The following PBX4 variants were observed in gnomAD, a reference collection of about 807,000 sequenced individuals.
PBX4 encodes PBX homeobox 4, also known as pre-B-cell leukemia transcription factor 4.
In PBX4, 26 loss-of-function variants were observed where a neutral mutation model predicts 35.1. The ratio of observed to expected loss-of-function variants is 0.74; its 90% CI spans 0.54 to 1.03. The LOEUF (loss-of-function observed/expected upper bound fraction) is 1.03, where lower values mean the gene tolerates loss of function less well. Ranked by LOEUF, PBX4 falls within the 50% of genes least tolerant of loss-of-function variation. PBX4 has a pLI of 0.00. For synonymous variants in PBX4, 199 were observed against 204.2 expected, an observed-to-expected ratio of 0.97 and a Z score of 0.22; for missense variants, 448 against 504.3, an observed-to-expected ratio of 0.89 and a Z score of 1.07.
rs755844548 is a variant in PBX4 at position 19,562,164 on chromosome 19, G to A, written c.1033-47C>T. ...ATCAGAGTGGGTGGCCGTGAGACTG[G>A]TGACTACCCAGCCCACGTGCTGCAG... On this transcript the variant is annotated intron_variant, in intron 7 of 7. Coordinates refer to ENST00000251203, the MANE Select transcript of PBX4 (RefSeq NM_025245.3). The surrounding 1 kb of genome is among the most constrained non-coding windows in gnomAD (Gnocchi z 4.8). The A allele has an allele frequency of 1.2e-5, 18 of 1,466,108 alleles. No individual in the cohort carries two copies. Among genetic ancestry groups the A allele is most frequent in the Non-Finnish European group, 1.5e-5 (16 of 1,066,410 alleles). 90.8% of individuals were successfully genotyped at this position (1,466,108 alleles called of 1,614,324 possible). A position where few individuals can be genotyped will look rare whatever the true frequency, so the allele number is the denominator to read the frequency against.
chr19:19,607,269 G>A (rs966785615), intron 1 of PBX4, among the ~76,000 whole-genome samples: 1 of 152,026 alleles, frequency 6.6e-6, no homozygotes, highest in South Asian at 2.1e-4. Context: ...GGCCAGACTG[G>A]TCTAGAACTC....
intron 2 of PBX4, 84 bp downstream of exon 2, chr19:19,599,208 C>A: frequency 8.5e-7 from 1 of 1,172,600 alleles, no homozygotes; most frequent in South Asian, 1.3e-5. Flanking sequence ...CTCAGGTGAT[C>A]TGCCCGCCTC....
intron 2 of PBX4, among the ~76,000 whole-genome samples, chr19:19,585,381 A>T (rs923197604): frequency 1.3e-5 from 2 of 152,184 alleles, no homozygotes; most frequent in Admixed American, 6.5e-5. Flanking sequence ...GAAGTTTCTC[A>T]GATCCACAGG....
intron 2 of PBX4, among the ~76,000 whole-genome samples, chr19:19,577,128 G>A (rs1322050805): frequency 6.6e-6 from 1 of 151,056 alleles, no homozygotes; most frequent in African/African-American, 2.4e-5. Context: ...TCAGGAGGCT[G>A]AGGCTGCAGT....
chr19:19,563,642 CAG>C lies in PBX4; in HGVS notation c.926-29_926-28del, dbSNP rs747494984. 6.5e-6 allele frequency: 10 copies of C among 1,539,476 alleles called. No individual in the cohort carries two copies. The African/African-American group carries it at 1.2e-4, about 19-fold the overall frequency. Reference sequence around the variant, plus strand: ...TGGAAGAGATGGGAGCCGGGGTGGGCAGAGTCGTGGCGCCTCCTCAGGTGGAA... The same window carrying C: ...TGGAAGAGATGGGAGCCGGGGTGGGCAGTCGTGGCGCCTCCTCAGGTGGAA... On this transcript the variant is annotated intron_variant, in intron 6 of 7. Transcript: ENST00000251203. The surrounding 1 kb of genome is among the most constrained non-coding windows in gnomAD (Gnocchi z 5.1).
At chr19:19,586,100 C>T (rs1199019234) in intron 2 of PBX4, among the ~76,000 whole-genome samples, 9 of 152,098 alleles carry the variant, frequency 5.9e-5, no homozygotes, top group Non-Finnish European at 1.0e-4. Context: ...AAAAAAATGC[C>T]TACTGTTCTG....
At chr19:19,591,962 G>A (rs754309552) in intron 2 of PBX4, among the ~76,000 whole-genome samples, 6 of 152,182 alleles carry the variant, frequency 3.9e-5, no homozygotes, top group Non-Finnish European at 1.5e-5. Context: ...CCAGGTTCAA[G>A]TGATTCTTCT....
chr19:19,587,592 TAAAAA>T (rs34647983), intron 2 of PBX4, among the ~76,000 whole-genome samples: 1 of 90,684 alleles, frequency 1.1e-5, no homozygotes, highest in East Asian at 3.3e-4. Context: ...CGTCTCAAAT[TAAAAA>T]AAAAAAAAAA....
intron 2 of PBX4, among the ~76,000 whole-genome samples, chr19:19,572,070 C>CTTTTTTTTTTTTTTTTT (rs1249792389): frequency 1.4e-5 from 1 of 69,112 alleles, no homozygotes; most frequent in Non-Finnish European, 2.6e-5. Flanking sequence ...TAGAATCAGG[C>CTTTTTTTTTTTTTTTTT]TTTTTTTTTT....
At chr19:19,585,874 C>A (rs973682432) in intron 2 of PBX4, among the ~76,000 whole-genome samples, 30 of 152,328 alleles carry the variant, frequency 2.0e-4, no homozygotes, top group Middle Eastern at 3.4e-3. Flanking sequence ...CCACCCTTTG[C>A]TGACTCTCTT....
chr19:19,604,422 A>G (rs2061616287), intron 1 of PBX4, among the ~76,000 whole-genome samples: 1 of 132,668 alleles, frequency 7.5e-6, no homozygotes, highest in Non-Finnish European at 1.5e-5. Context: ...AGACAAGATC[A>G]CATCACTGCA....
chr19:19,571,400 T>C (rs2061382090), intron 2 of PBX4, among the ~76,000 whole-genome samples: 1 of 152,102 alleles, frequency 6.6e-6, no homozygotes, highest in Non-Finnish European at 1.5e-5. Context: ...AATAACCCAC[T>C]GAAAGATTTT....
chr19:19,580,596 A>G (rs563977429), intron 2 of PBX4, among the ~76,000 whole-genome samples: 16 of 152,326 alleles, frequency 1.1e-4, no homozygotes, highest in Admixed American at 9.8e-4. Context: ...TAATAAGGAA[A>G]TGAGTTCTAC....
At chr19:19,572,814 A>G (rs2144718579) in intron 2 of PBX4, among the ~76,000 whole-genome samples, 1 of 139,184 alleles carries the variant, frequency 7.2e-6, no homozygotes, top group African/African-American at 2.6e-5. Flanking sequence ...AGATCACGCC[A>G]TTGCACTCCA....
At chr19:19,587,194 T>G (rs2061495142) in intron 2 of PBX4, among the ~76,000 whole-genome samples, 1 of 151,900 alleles carries the variant, frequency 6.6e-6, no homozygotes, top group South Asian at 2.1e-4. Context: ...TGTTTTGTTT[T>G]TGTTTTTTGA....
chr19:19,586,962 CA>C (rs1344652101), intron 2 of PBX4, among the ~76,000 whole-genome samples: 2 of 151,836 alleles, frequency 1.3e-5, no homozygotes, highest in African/African-American at 4.8e-5. Flanking sequence ...AAAAGAAAAA[CA>C]GCACTCACTG....
rs907597497 is a variant in PBX4 at position 19,562,615 on chromosome 19, C to T, written c.1033-498G>A. On this transcript the variant is annotated intron_variant, in intron 7 of 7. Coordinates refer to ENST00000251203, the MANE Select transcript of PBX4 (RefSeq NM_025245.3). The surrounding 1 kb of genome is among the most constrained non-coding windows in gnomAD (Gnocchi z 4.8). ...AGTGCAGAGACGGCATCACGTCCAA[C>T]GGCGCTAAGACGTTTGTCCACAGGA... Among the ~76,000 whole-genome samples the T allele has an allele frequency of 5.9e-5, 9 of 152,294 alleles. No homozygotes were observed. Among genetic ancestry groups the T allele is most frequent in the South Asian group, 2.1e-4 (1 of 4,832 alleles).
chr19:19,590,151 T>C (rs1258739052), intron 2 of PBX4, among the ~76,000 whole-genome samples: 1 of 152,156 alleles, frequency 6.6e-6, no homozygotes, highest in Admixed American at 6.5e-5. Context: ...TTTCCAAGGT[T>C]GTGCGACCAC....
Position 19,564,952 on chromosome 19 carries a change from G to A in PBX4, c.906C>T (p.Cys302=), listed in dbSNP as rs781756177. The change falls in exon 6 of 8, where the codon TGC becomes TGT. Residue 302 remains cysteine (C), a synonymous_variant. Transcript: ENST00000251203. ...EVGVPGNHAS[C]LSTPSSGSSG... ...ACTCACCGGAGCTAGGTGTTGACAG[G>A]CAGCTGGCGTGGTTCCCTGGGACCC... The A allele has an allele frequency of 1.1e-5, 17 of 1,614,134 alleles. No homozygotes were observed. The South Asian group carries it at 1.2e-4, about 11-fold the overall frequency.
Sources: gnomAD v4.1 joint callset for allele counts (sites outside exome capture counted in the v4.1 genomes callset) on GRCh38, gnomAD v4.1.1 for gene constraint, Gnocchi (gnomAD v3.1) non-coding constraint, MANE v1.5 for transcripts, NCBI Gene and HGNC (gene_info 2026-07-23, HGNC 2026-07-21) for gene names.